The following PKHD1L1 variants were observed in gnomAD, a reference collection of about 807,000 sequenced individuals.
The protein encoded by PKHD1L1 is PKHD1 like 1, also known as fibrocystin-L.
In PKHD1L1, 434 loss-of-function variants were observed where a neutral mutation model predicts 462.9. That is an observed-to-expected ratio of 0.94 (90% CI 0.87 to 1.02). The LOEUF (loss-of-function observed/expected upper bound fraction) is 1.02. Ranked by LOEUF, PKHD1L1 falls within the 50% of genes least tolerant of loss-of-function variation. The pLI, the probability that PKHD1L1 is intolerant of heterozygous loss-of-function variation, is 0.00. For missense variants in PKHD1L1, 5,202 were observed against 5,096.1 expected (o/e 1.02, Z -0.63); for synonymous variants, 1,781 against 1,750.0 (o/e 1.02, Z -0.44).
At chr8:109,387,361 G>T (rs142091301) in intron 6 of PKHD1L1, among the ~76,000 whole-genome samples, 1 of 152,268 alleles carries the variant, frequency 6.6e-6, no homozygotes, top group Non-Finnish European at 1.5e-5. Context: ...CTCTAGATAC[G>T]CATACCCAGA....
At chr8:109,515,130 C>A in intron 71 of PKHD1L1, 40 bp from the exon 72 acceptor site, 1 of 1,397,580 alleles carries the variant, frequency 7.2e-7, no homozygotes, top group Non-Finnish European at 9.7e-7. Context: ...TACAAATATT[C>A]TATTTTGTTG....
intron 55 of PKHD1L1, among the ~76,000 whole-genome samples, chr8:109,481,074 A>G (rs973153132): frequency 4.6e-5 from 7 of 151,994 alleles, no homozygotes; most frequent in African/African-American, 1.7e-4. Flanking sequence ...AGTATTAACA[A>G]TGATGGCTCA....
Position 109,440,869 on chromosome 8 carries a change from T to C in PKHD1L1, c.4099+17T>C, listed in dbSNP as rs775722522. On this transcript the variant is annotated intron_variant, in intron 33 of 77. Transcript: ENST00000378402. ...TGCTGTTAGGTAAGAGCTTCATTCA[T>C]AGGAAAGTGATTATCATTTTTCTCA... 19 of 1,607,894 alleles carry C rather than the reference T, an allele frequency of 1.2e-5. No individual in the cohort carries two copies. The highest frequency in any genetic ancestry group is 5.5e-5 in the South Asian group (5 of 90,112).
At chr8:109,472,993 A>G (rs1226470663) in intron 50 of PKHD1L1, among the ~76,000 whole-genome samples, 1 of 152,190 alleles carries the variant, frequency 6.6e-6, no homozygotes, top group Non-Finnish European at 1.5e-5. Flanking sequence ...GTTATACCAG[A>G]TGGCAAATTA....
chr8:109,438,316 T>C lies in PKHD1L1; in HGVS notation c.3628-8T>C. ...TAATATTTTCTAATTTTTTTCCTCTTATTTTAGAAAACTGAGGGTACAGTT... is the reference window on the plus strand; with the variant it reads ...TAATATTTTCTAATTTTTTTCCTCTCATTTTAGAAAACTGAGGGTACAGTT... On this transcript the variant is annotated splice_region_variant and splice_polypyrimidine_tract_variant and intron_variant, in intron 30 of 77. Transcript: ENST00000378402. The C allele has an allele frequency of 6.8e-7, 1 of 1,470,138 alleles. No individual in the cohort carries two copies. Among genetic ancestry groups the C allele is most frequent in the Non-Finnish European group, 9.1e-7 (1 of 1,098,950 alleles). 91.1% of individuals were successfully genotyped at this position (1,470,138 alleles called of 1,614,324 possible). A position where few individuals can be genotyped will look rare whatever the true frequency, so the allele number is the denominator to read the frequency against.
rs1892761 is a variant in PKHD1L1, at chr8:109,536,836, T to A, written c.*6746T>A. ...TATGAGGAAAAATTTATTTAAATGC[T>A]TCATAGAAAGTTAATTTTCATTTAA... On this transcript the variant is annotated 3_prime_UTR_variant, in exon 78 of 78. Coordinates refer to ENST00000378402, the MANE Select transcript of PKHD1L1 (RefSeq NM_177531.6). 1.3e-5 allele frequency among the ~76,000 whole-genome samples: 2 copies of A among 152,076 alleles called. No individual in the cohort carries two copies. The highest frequency in any genetic ancestry group is 2.9e-5 in the Non-Finnish European group (2 of 68,008).
At chr8:109,403,179 T>C (rs1318538837) in intron 14 of PKHD1L1, among the ~76,000 whole-genome samples, 1 of 152,212 alleles carries the variant, frequency 6.6e-6, no homozygotes, top group Non-Finnish European at 1.5e-5. Flanking sequence ...ATTTACATAC[T>C]GTGCTTACAA....
intron 77 of PKHD1L1, among the ~76,000 whole-genome samples, chr8:109,529,037 G>T (rs1219281092): frequency 5.3e-5 from 8 of 152,134 alleles, no homozygotes; most frequent in Admixed American, 5.2e-4. Context: ...TTGAGGTGGG[G>T]TAACAATTTA....
chr8:109,447,709 A>G (rs1816230351), intron 38 of PKHD1L1, among the ~76,000 whole-genome samples: 1 of 152,222 alleles, frequency 6.6e-6, no homozygotes, highest in Non-Finnish European at 1.5e-5. Flanking sequence ...AATTAAGAAA[A>G]ATGTAGTCTC....
At chr8:109,491,136 C>A (rs748579134) in intron 61 of PKHD1L1, 35 bp downstream of exon 61, 5 of 1,578,516 alleles carry the variant, frequency 3.2e-6, no homozygotes, top group Non-Finnish European at 4.3e-6. Flanking sequence ...AATTACACAT[C>A]CTGTGGAGGC....
chr8:109,411,457 C>T (rs768346700), intron 19 of PKHD1L1, among the ~76,000 whole-genome samples: 2 of 152,110 alleles, frequency 1.3e-5, no homozygotes, highest in African/African-American at 4.8e-5. Flanking sequence ...AATAGATGAA[C>T]TTTTCAACTT....
chr8:109,395,290 G>A (rs1812912837), intron 10 of PKHD1L1, among the ~76,000 whole-genome samples: 1 of 152,172 alleles, frequency 6.6e-6, no homozygotes, highest in Admixed American at 6.5e-5. Context: ...CAGGTTGATA[G>A]TATCCCTTGG....
intron 35 of PKHD1L1, among the ~76,000 whole-genome samples, chr8:109,442,659 A>C (rs1815867201): frequency 1.3e-5 from 2 of 152,094 alleles, no homozygotes; most frequent in Non-Finnish European, 2.9e-5. Context: ...ATTTTCTTTC[A>C]TTTCATGTTG....
In PKHD1L1 at chr8:109,456,384, G is replaced by A. The variant is rs1172302694; in HGVS notation, c.6997G>A (p.Gly2333Arg). Residue 2333 changes from glycine to arginine, a missense_variant, in exon 46 of 78, where the codon GGA (glycine) becomes AGA (arginine). Physicochemically the swap from Gly to Arg is moderately radical, Grantham distance 125. This residue lies in a region of PKHD1L1 where 4,497 missense variants were observed against 4,336.8 expected (regional missense o/e 1.04). Coordinates refer to ENST00000378402, the MANE Select transcript of PKHD1L1 (RefSeq NM_177531.6). ...PGDNIVIAST[G>R]HRHSQGENEK... Reference sequence around the variant, plus strand: ...AGATAACATTGTAATTGCAAGCACAGGACACAGGTATGATATCTTCTGGGC... The same window carrying A: ...AGATAACATTGTAATTGCAAGCACAAGACACAGGTATGATATCTTCTGGGC... 1.2e-6 allele frequency: 2 copies of A among 1,604,822 alleles called. No individual in the cohort carries two copies. The highest frequency in any genetic ancestry group is 1.7e-6 in the Non-Finnish European group (2 of 1,175,148).
intron 67 of PKHD1L1, chr8:109,499,315 C>T (rs551017433): frequency 6.6e-6 from 1 of 152,410 alleles, no homozygotes; most frequent in East Asian, 1.9e-4. Context: ...CTGTGCATTT[C>T]CTGTTTTAAT....
At chr8:109,378,319 T>A (rs1330854439) in intron 2 of PKHD1L1, among the ~76,000 whole-genome samples, 1 of 152,192 alleles carries the variant, frequency 6.6e-6, no homozygotes, top group Non-Finnish European at 1.5e-5. Flanking sequence ...AGTCACATGA[T>A]GTCACTCCTC....
At chr8:109,367,757 C>A (rs1319692988) in intron 2 of PKHD1L1, among the ~76,000 whole-genome samples, 1 of 152,074 alleles carries the variant, frequency 6.6e-6, no homozygotes, top group Non-Finnish European at 1.5e-5. Context: ...AAACATTAGT[C>A]CAGCATGATG....
At chr8:109,509,012 G>T (rs752207917) in intron 70 of PKHD1L1, among the ~76,000 whole-genome samples, 1 of 152,098 alleles carries the variant, frequency 6.6e-6, no homozygotes, top group African/African-American at 2.4e-5. Context: ...CTTAGATTAG[G>T]ATCTTTCATG....
At position 109,406,465 on chromosome 8, in the gene PKHD1L1, C is replaced by T. The variant is rs1020851577; in HGVS notation, c.1800C>T (p.Phe600=). 1.3e-5 allele frequency: 21 copies of T among 1,601,148 alleles called. No homozygotes were observed. The highest frequency in any genetic ancestry group is 5.4e-5 in the African/African-American group (4 of 74,650). Residue 600 remains phenylalanine, a synonymous_variant, in exon 17 of 78, where the codon TTC becomes TTT. Transcript: ENST00000378402. ...NPQSYVYMVT[F]ISTRGDFDLL... ...AGAGCTATGTCTACATGGTAACATT[C>T]ATATCAACTAGAGGTAAGCATGTAC...
Sources: allele counts gnomAD v4.1 joint callset (sites outside exome capture counted in the v4.1 genomes callset), GRCh38; gene constraint gnomAD v4.1.1; regional missense constraint gnomAD v4.1.1; transcripts MANE v1.5; gene names NCBI Gene and HGNC (gene_info 2026-07-23, HGNC 2026-07-21).